The following ARHGAP6 variants were observed in gnomAD, a reference collection of about 807,000 sequenced individuals.
The protein encoded by ARHGAP6 is Rho GTPase activating protein 6.
In ARHGAP6, 16 loss-of-function variants were observed where a neutral mutation model predicts 55.7. The observed-to-expected ratio is 0.29, with a 90% CI of 0.19 to 0.44. ARHGAP6 has a LOEUF of 0.44. Ranked by LOEUF, ARHGAP6 falls within the 20% of genes least tolerant of loss-of-function variation. The probability of loss-of-function intolerance (pLI) is 1.00; values close to 1 mark genes in which losing one functional copy is unlikely to be tolerated. For missense variants in ARHGAP6, 698 were observed against 808.9 expected, an observed-to-expected ratio of 0.86 and a Z score of 1.66; for synonymous variants, 382 against 360.9, an observed-to-expected ratio of 1.06 and a Z score of -0.66.
intron 1 of ARHGAP6, among the ~76,000 whole-genome samples, chrX:11,573,360 G>A (rs1346365402): frequency 1.8e-5 from 2 of 109,634 alleles, no homozygotes; most frequent in Admixed American, 1.9e-4. Context: ...ATTCATTTTT[G>A]TATAAGGTGT....
chrX:11,609,886 C>T (rs1336665130), intron 1 of ARHGAP6, among the ~76,000 whole-genome samples: 2 of 112,184 alleles, frequency 1.8e-5, no homozygotes, highest in Non-Finnish European at 3.8e-5. Flanking sequence ...GTAACCCAGG[C>T]TGGCCAACCC....
intron 1 of ARHGAP6, among the ~76,000 whole-genome samples, chrX:11,534,890 A>G (rs1357963813): frequency 9.0e-6 from 1 of 111,234 alleles, no homozygotes; most frequent in African/African-American, 3.3e-5. Context: ...GCACATCTCA[A>G]TGTGGACTCA....
intron 2 of ARHGAP6, among the ~76,000 whole-genome samples, chrX:11,212,822 T>TA (rs1293044066): frequency 9.9e-5 from 11 of 111,487 alleles, no homozygotes; most frequent in Admixed American, 5.7e-4. Context: ...AAAGATTAAA[T>TA]AAAAAAATAT....
chrX:11,480,955 T>C (rs1026563617), intron 1 of ARHGAP6, among the ~76,000 whole-genome samples: 2 of 112,368 alleles, frequency 1.8e-5, no homozygotes, highest in African/African-American at 3.2e-5. Flanking sequence ...CCTTATTTTT[T>C]AGTTTGTTTT....
intron 1 of ARHGAP6, among the ~76,000 whole-genome samples, chrX:11,452,764 C>G (rs555212095): frequency 9.0e-6 from 1 of 111,698 alleles, no homozygotes; most frequent in East Asian, 2.8e-4. Context: ...TTCATAGAAG[C>G]AGGCATTTGC....
At chrX:11,398,988 T>C (rs1162156366) in intron 1 of ARHGAP6, among the ~76,000 whole-genome samples, 1 of 112,254 alleles carries the variant, frequency 8.9e-6, no homozygotes, top group Admixed American at 9.5e-5. Flanking sequence ...TGTTTCAAAA[T>C]AACTTACATG....
At chrX:11,454,967 A>G (rs1240306779) in intron 1 of ARHGAP6, among the ~76,000 whole-genome samples, 13 of 112,307 alleles carry the variant, frequency 1.2e-4, no homozygotes, top group Non-Finnish European at 1.9e-5. Context: ...ATTTTTTTCA[A>G]GCACAACTTG....
chrX:11,414,348 A>G (rs770546626), intron 1 of ARHGAP6, among the ~76,000 whole-genome samples: 12 of 111,973 alleles, frequency 1.1e-4, no homozygotes, highest in Non-Finnish European at 2.3e-4. Flanking sequence ...TAAAATGTTC[A>G]CATGGCATAA....
At chrX:11,298,889 C>G (rs771211286) in intron 1 of ARHGAP6, 1 of 1,211,003 alleles carries the variant, frequency 8.3e-7, no homozygotes, top group Admixed American at 2.2e-5. Context: ...CTCCGATGTT[C>G]CCCATGCAGC....
At chrX:11,283,637 T>C (rs1247105440) in intron 1 of ARHGAP6, among the ~76,000 whole-genome samples, 2 of 111,988 alleles carry the variant, frequency 1.8e-5, no homozygotes, top group Non-Finnish European at 3.8e-5. Context: ...ATGGGACTAA[T>C]ATCATCACAG....
intron 1 of ARHGAP6, among the ~76,000 whole-genome samples, chrX:11,616,987 A>G (rs910053803): frequency 1.8e-5 from 2 of 111,926 alleles, no homozygotes; most frequent in East Asian, 2.8e-4. Flanking sequence ...TAACTCTTAA[A>G]TGGGTGTGGA....
At chrX:11,622,771 C>T (rs2147166037) in intron 1 of ARHGAP6, among the ~76,000 whole-genome samples, 1 of 110,334 alleles carries the variant, frequency 9.1e-6, no homozygotes, top group South Asian at 3.8e-4. Flanking sequence ...AAAATATTAA[C>T]CTTGAAATGT....
intron 1 of ARHGAP6, among the ~76,000 whole-genome samples, chrX:11,587,961 C>T (rs938221203): frequency 8.9e-6 from 1 of 112,207 alleles, no homozygotes; most frequent in Non-Finnish European, 1.9e-5. Context: ...ATATATTTAA[C>T]CCCTCTGCGT....
At chrX:11,323,724 G>A (rs1241322982) in intron 1 of ARHGAP6, among the ~76,000 whole-genome samples, 2 of 109,469 alleles carry the variant, frequency 1.8e-5, no homozygotes, top group African/African-American at 6.7e-5. Flanking sequence ...AATTAGCTGG[G>A]CTTGGTGGTG....
intron 2 of ARHGAP6, among the ~76,000 whole-genome samples, chrX:11,203,752 T>C (rs2046666444): frequency 9.0e-6 from 1 of 111,524 alleles, no homozygotes; most frequent in Non-Finnish European, 1.9e-5. Context: ...AGTGGACCCT[T>C]CTCCACACCA....
chrX:11,478,676 A>T (rs1001435967), intron 1 of ARHGAP6, among the ~76,000 whole-genome samples: 2 of 111,959 alleles, frequency 1.8e-5, no homozygotes, highest in Non-Finnish European at 3.8e-5. Context: ...TGCCTTGCAA[A>T]GCATGAAAAA....
intron 1 of ARHGAP6, among the ~76,000 whole-genome samples, chrX:11,506,854 C>T (rs1054028369): frequency 9.0e-6 from 1 of 111,729 alleles, no homozygotes. Flanking sequence ...ACAGTCCCAC[C>T]GACAGTGTGA....
chrX:11,571,253 T>A (rs1049203451), intron 1 of ARHGAP6, among the ~76,000 whole-genome samples: 28 of 111,854 alleles, frequency 2.5e-4, no homozygotes, highest in African/African-American at 8.8e-4. Flanking sequence ...TTGGGGTTAA[T>A]GTCCACCACT....
At chrX:11,351,714 A>T in intron 1 of ARHGAP6, 1 of 341,903 alleles carries the variant, frequency 2.9e-6, no homozygotes, top group East Asian at 2.1e-4. Flanking sequence ...TACTAGGCTG[A>T]CTTCCCACTT....
Sources: gnomAD v4.1 joint callset for allele counts (sites outside exome capture counted in the v4.1 genomes callset) on GRCh38, gnomAD v4.1.1 for gene constraint, MANE v1.5 for transcripts, NCBI Gene and HGNC (gene_info 2026-07-23, HGNC 2026-07-21) for gene names.